GPHN: variants seen among roughly 807,000 people sequenced by gnomAD.
The protein encoded by GPHN is gephyrin.
Under a neutral mutation model 95.5 loss-of-function variants are expected in GPHN, and 17 were observed. The ratio of observed to expected loss-of-function variants is 0.18; its 90% CI spans 0.12 to 0.27. The LOEUF is 0.27. Among genes scored for constraint, GPHN ranks in the 10% least tolerant of loss-of-function variants. The probability of loss-of-function intolerance (pLI) is 1.00; values close to 1 mark genes in which losing one functional copy is unlikely to be tolerated. For synonymous variants in GPHN, 320 were observed against 322.5 expected (o/e 0.99, Z 0.08); for missense variants, 660 against 978.1 (o/e 0.67, Z 4.34).
chr14:66,934,214 C>T (rs1269976949), intron 8 of GPHN, among the ~76,000 whole-genome samples: 1 of 149,818 alleles, frequency 6.7e-6, no homozygotes, highest in African/African-American at 2.5e-5. Context: ...ACCTTCCTAA[C>T]TCAGTTATCT....
At chr14:67,284,429 T>TAAAAAA in the GPHN span, among the ~76,000 whole-genome samples, 1 of 92,678 alleles carries the variant, frequency 1.1e-5, no homozygotes. Context: ...CCCTATCTCT[T>TAAAAAA]AAAAAAAAAA....
At chr14:67,016,169 A>G (rs1157406004) in intron 9 of GPHN, among the ~76,000 whole-genome samples, 1 of 152,130 alleles carries the variant, frequency 6.6e-6, no homozygotes, top group Non-Finnish European at 1.5e-5. Context: ...TGGCTCAGAG[A>G]CTTTTAACCT....
intron 1 of GPHN, among the ~76,000 whole-genome samples, chr14:66,652,927 C>A (rs897388148): frequency 1.3e-5 from 2 of 152,186 alleles, no homozygotes; most frequent in African/African-American, 2.4e-5. Context: ...ATATTCACAA[C>A]CTCCTGCATT....
At chr14:66,707,117 C>G (rs937737891) in intron 2 of GPHN, among the ~76,000 whole-genome samples, 2 of 150,502 alleles carry the variant, frequency 1.3e-5, no homozygotes, top group South Asian at 4.2e-4. Flanking sequence ...AATGAGATAC[C>G]ATCTCACGCC....
the GPHN span, among the ~76,000 whole-genome samples, chr14:67,234,535 AC>A: frequency 6.6e-6 from 1 of 152,062 alleles, no homozygotes; most frequent in Non-Finnish European, 1.5e-5. Context: ...AGGAGAAGAG[AC>A]ATTAGAGTTC....
rs529026517 is a variant in GPHN at position 67,168,946 on chromosome 14, G to A, written c.1989G>A (p.Ser663=). 43 of 1,609,698 alleles carry A rather than the reference G, an allele frequency of 2.7e-5. No homozygotes were observed. The highest frequency in any genetic ancestry group is 1.5e-4 in the African/African-American group (11 of 74,902). Residue 663 remains serine, a synonymous_variant, in exon 21 of 23, where the codon TCG becomes TCA. Transcript: ENST00000478722. The part of the protein sequence containing the change: ...IIFALPGNPV[S]AVVTCNLFVV... ...GTTGACTTTCAGGGAATCCTGTATC[G>A]GCTGTGGTCACCTGCAATCTCTTTG...
chr14:67,272,150 CT>C, the GPHN span: 1 of 151,824 alleles, frequency 6.6e-6, no homozygotes, highest in Admixed American at 6.6e-5. Context: ...AATCACTCCT[CT>C]TTTTTAAATC....
At chr14:67,256,170 C>T in the GPHN span, among the ~76,000 whole-genome samples, 10 of 152,190 alleles carry the variant, frequency 6.6e-5, no homozygotes, top group East Asian at 9.6e-4. Flanking sequence ...GGTCTATTAT[C>T]CTCATTTTTC....
the GPHN span, among the ~76,000 whole-genome samples, chr14:67,486,243 A>G: frequency 2.6e-5 from 4 of 152,158 alleles, no homozygotes; most frequent in African/African-American, 4.8e-5. Context: ...TGTTCTTGTG[A>G]TAGTGAATAA....
At chr14:66,898,772 T>C (rs2153546172) in intron 5 of GPHN, among the ~76,000 whole-genome samples, 1 of 152,090 alleles carries the variant, frequency 6.6e-6, no homozygotes, top group Non-Finnish European at 1.5e-5. Context: ...ACAAAAAAAT[T>C]GCTCAGATTT....
chr14:67,119,529 C>T (rs1011937793), intron 16 of GPHN, among the ~76,000 whole-genome samples: 3 of 152,288 alleles, frequency 2.0e-5, no homozygotes, highest in Admixed American at 1.3e-4. Context: ...GTGGCTCACG[C>T]CTGTAATCCC....
At chr14:67,296,716 A>G in the GPHN span, among the ~76,000 whole-genome samples, 3 of 152,114 alleles carry the variant, frequency 2.0e-5, no homozygotes, top group Non-Finnish European at 4.4e-5. Flanking sequence ...AACTTATATG[A>G]ATAGGTGAAA....
the GPHN span, chr14:67,302,577 T>C: frequency 6.8e-7 from 1 of 1,476,222 alleles, no homozygotes; most frequent in African/African-American, 1.4e-5. Flanking sequence ...TGTTGGTAAG[T>C]TGACGCAGCT....
chr14:67,379,580 C>G, the GPHN span, among the ~76,000 whole-genome samples: 3 of 151,994 alleles, frequency 2.0e-5, no homozygotes, highest in Non-Finnish European at 4.4e-5. Flanking sequence ...CCAATAAGAC[C>G]CCTTGCTTAT....
chr14:67,501,892 T>C, the GPHN span, among the ~76,000 whole-genome samples: 1 of 152,246 alleles, frequency 6.6e-6, no homozygotes, highest in African/African-American at 2.4e-5. Context: ...ATATTCATAC[T>C]GTGCAATGTG....
chr14:67,694,318 C>T, the GPHN span, among the ~76,000 whole-genome samples: 208 of 151,996 alleles, frequency 1.4e-3, 2 homozygotes, highest in African/African-American at 4.1e-3. Flanking sequence ...CTTAGTAGGA[C>T]CTGTACTTAG....
intron 3 of GPHN, among the ~76,000 whole-genome samples, chr14:66,787,860 A>T (rs867799683): frequency 2.7e-5 from 4 of 148,170 alleles, no homozygotes; most frequent in Non-Finnish European, 3.0e-5. Context: ...AAAAAGTATT[A>T]TATATATATA....
At chr14:66,707,679 G>A (rs1323867752) in intron 2 of GPHN, among the ~76,000 whole-genome samples, 1 of 151,978 alleles carries the variant, frequency 6.6e-6, no homozygotes, top group Non-Finnish European at 1.5e-5. Context: ...GCGGCAGCGA[G>A]GTTAGGGAAC....
chr14:66,774,648 T>C (rs1229924994), intron 2 of GPHN, among the ~76,000 whole-genome samples: 2 of 152,198 alleles, frequency 1.3e-5, no homozygotes, highest in African/African-American at 2.4e-5. Flanking sequence ...TGATTCTCAG[T>C]TGGGAACTTT....
Sources: gnomAD v4.1 joint callset for allele counts (sites outside exome capture counted in the v4.1 genomes callset) on GRCh38, gnomAD v4.1.1 for gene constraint, MANE v1.5 for transcripts, NCBI Gene and HGNC (gene_info 2026-07-23, HGNC 2026-07-21) for gene names.